The following IQUB variants were observed in gnomAD, a reference collection of about 807,000 sequenced individuals.
The protein encoded by IQUB is IQ motif and ubiquitin-like domain-containing protein.
In IQUB, 86 loss-of-function variants were observed where a neutral mutation model predicts 86.4. That is an observed-to-expected ratio of 1.00 (90% CI 0.84 to 1.19). The LOEUF is 1.19. Among genes scored for constraint, IQUB ranks in the 50% most tolerant of loss-of-function variants. The probability of loss-of-function intolerance (pLI) is 0.00; values close to 1 mark genes in which losing one functional copy is unlikely to be tolerated. For missense variants in IQUB, 946 were observed against 916.9 expected, an observed-to-expected ratio of 1.03 and a Z score of -0.41; for synonymous variants, 289 against 304.5, an observed-to-expected ratio of 0.95 and a Z score of 0.53.
At chr7:123,530,072 G>A (rs989648987) in intron 1 of IQUB, among the ~76,000 whole-genome samples, 1 of 151,702 alleles carries the variant, frequency 6.6e-6, no homozygotes, top group African/African-American at 2.4e-5. Context: ...AGCTGGGAGT[G>A]GTGGCAGGAG....
At chr7:123,502,348 T>C (rs1584615382) in intron 6 of IQUB, 2 of 454,428 alleles carry the variant, frequency 4.4e-6, no homozygotes, top group East Asian at 8.9e-5. Flanking sequence ...AGGCTAATAA[T>C]GGCCAAAGGC....
chr7:123,522,627 A>G (rs1394645036), intron 1 of IQUB, among the ~76,000 whole-genome samples: 1 of 152,220 alleles, frequency 6.6e-6, no homozygotes, highest in Admixed American at 6.5e-5. Flanking sequence ...AAATTTCCAA[A>G]TGGCTAATGA....
chr7:123,520,552 G>A (rs1476911550), intron 1 of IQUB, among the ~76,000 whole-genome samples: 1 of 152,102 alleles, frequency 6.6e-6, no homozygotes, highest in East Asian at 1.9e-4. Context: ...CAAGGCATGA[G>A]GACAAATGGA....
intron 1 of IQUB, among the ~76,000 whole-genome samples, chr7:123,515,691 A>G (rs1307476632): frequency 1.3e-5 from 2 of 152,216 alleles, no homozygotes; most frequent in Admixed American, 6.5e-5. Context: ...TTCAAATCAC[A>G]ATGAGATAGC....
At chr7:123,525,320 C>T (rs1797142640) in intron 1 of IQUB, among the ~76,000 whole-genome samples, 1 of 152,064 alleles carries the variant, frequency 6.6e-6, no homozygotes, top group Non-Finnish European at 1.5e-5. Context: ...GGCTGTGAAT[C>T]CATCTGGTCC....
chr7:123,531,273 T>C (rs1797527739), intron 1 of IQUB, among the ~76,000 whole-genome samples: 1 of 152,178 alleles, frequency 6.6e-6, no homozygotes, highest in South Asian at 2.1e-4. Flanking sequence ...GTGAGGACCA[T>C]ATAGTAAATA....
chr7:123,461,100 T>A (rs902431139), intron 11 of IQUB, among the ~76,000 whole-genome samples: 1 of 151,774 alleles, frequency 6.6e-6, no homozygotes, highest in Admixed American at 6.6e-5. Context: ...ATATGTAACA[T>A]CAGTTTCTGT....
At chr7:123,471,213 A>G (rs1794507879) in intron 8 of IQUB, among the ~76,000 whole-genome samples, 1 of 152,236 alleles carries the variant, frequency 6.6e-6, no homozygotes, top group Non-Finnish European at 1.5e-5. Flanking sequence ...AAGATTGATT[A>G]AAAGCTTATA....
At chr7:123,524,993 T>C (rs1797122065) in intron 1 of IQUB, among the ~76,000 whole-genome samples, 1 of 152,200 alleles carries the variant, frequency 6.6e-6, no homozygotes, top group Non-Finnish European at 1.5e-5. Context: ...GTTTATATGC[T>C]GGATTACATT....
intron 1 of IQUB, among the ~76,000 whole-genome samples, chr7:123,518,143 A>T (rs201520924): frequency 6.7e-6 from 1 of 150,072 alleles, no homozygotes; most frequent in African/African-American, 2.4e-5. Context: ...TCATCCTTTT[A>T]TTTTTTTTTT....
intron 1 of IQUB, among the ~76,000 whole-genome samples, chr7:123,518,350 C>G (rs1250738004): frequency 6.6e-6 from 1 of 152,186 alleles, no homozygotes; most frequent in Non-Finnish European, 1.5e-5. Context: ...ATTATTCTCA[C>G]AGCAGCCAGA....
chr7:123,501,907 A>T (rs1207251905), intron 6 of IQUB: 1 of 152,210 alleles, frequency 6.6e-6, no homozygotes, highest in Non-Finnish European at 1.5e-5. Flanking sequence ...AAAAATTATC[A>T]GGCTGGAATA....
intron 11 of IQUB, among the ~76,000 whole-genome samples, chr7:123,460,891 A>G (rs1384537027): frequency 6.6e-6 from 1 of 151,846 alleles, no homozygotes; most frequent in Non-Finnish European, 1.5e-5. Flanking sequence ...TTCATCCAAA[A>G]GAACTCTGGC....
chr7:123,502,679 T>C lies in IQUB; in HGVS notation c.941A>G (p.Tyr314Cys). The change falls in exon 6 of 13, where the codon TAT (tyrosine) becomes TGT (cysteine). Residue 314 changes from tyrosine to cysteine, a missense_variant. Transcript: ENST00000324698. ...CAGTTTATCAGTCATATTTGATACA[T>C]ATACACCAATGTTAGTCATCTGTGT... ...TSTQMTNIGVYVSNMTDKLVT... is the reference protein window; with the variant it reads ...TSTQMTNIGVCVSNMTDKLVT... 6.2e-7 allele frequency: 1 copy of C among 1,611,776 alleles called. No individual in the cohort carries two copies. The highest frequency in any genetic ancestry group is 1.1e-5 in the South Asian group (1 of 90,676).
At chr7:123,468,026 G>A (rs1794342542) in intron 9 of IQUB, among the ~76,000 whole-genome samples, 1 of 152,194 alleles carries the variant, frequency 6.6e-6, no homozygotes, top group Non-Finnish European at 1.5e-5. Flanking sequence ...AAAGGCAATG[G>A]TGCAGTTATT....
intron 10 of IQUB, chr7:123,462,806 T>A (rs552963253): frequency 1.5e-5 from 7 of 455,214 alleles, no homozygotes; most frequent in African/African-American, 4.0e-5. Flanking sequence ...TTTACTATAA[T>A]GCCATGGAAA....
At chr7:123,464,346 A>G (rs1248180429) in intron 10 of IQUB, among the ~76,000 whole-genome samples, 1 of 151,900 alleles carries the variant, frequency 6.6e-6, no homozygotes, top group African/African-American at 2.4e-5. Flanking sequence ...CTGTTCAGTA[A>G]TAATTATAAC....
intron 9 of IQUB, 51 bp downstream of exon 9, chr7:123,469,163 T>G (rs755718629): frequency 8.1e-7 from 1 of 1,228,414 alleles, no homozygotes; most frequent in Non-Finnish European, 1.1e-6. Flanking sequence ...TCATTAATTT[T>G]TTTTTATTGA....
chr7:123,530,519 A>T (rs1203121368), intron 1 of IQUB, among the ~76,000 whole-genome samples: 1 of 152,142 alleles, frequency 6.6e-6, no homozygotes, highest in East Asian at 1.9e-4. Flanking sequence ...AAAAAATTTA[A>T]AAAAGCACTT....
Sources: gnomAD v4.1 joint callset for allele counts (sites outside exome capture counted in the v4.1 genomes callset) on GRCh38, gnomAD v4.1.1 for gene constraint, MANE v1.5 for transcripts, NCBI Gene and HGNC (gene_info 2026-07-23, HGNC 2026-07-21) for gene names.